The following AGMO variants were observed in gnomAD, a reference collection of about 807,000 sequenced individuals.
The protein encoded by AGMO is glyceryl-ether monooxygenase.
AGMO carries 75 observed loss-of-function variants against 60.2 expected under a neutral mutation model. The observed-to-expected ratio is 1.25, with a 90% CI of 1.03 to 1.51. The LOEUF is 1.51. Ranked by LOEUF, AGMO falls within the 40% of genes most tolerant of loss-of-function variation. The pLI is 0.00. For missense variants in AGMO, 763 were observed against 525.5 expected (o/e 1.45, Z -4.42); for synonymous variants, 261 against 177.1 (o/e 1.47, Z -3.76).
chr7:15,390,232 G>T (rs1390521654), intron 8 of AGMO, among the ~76,000 whole-genome samples: 5 of 152,066 alleles, frequency 3.3e-5, no homozygotes, highest in Non-Finnish European at 7.4e-5. Context: ...TAACCAATCT[G>T]TAATAGTTCC....
At chr7:15,275,730 C>CAT (rs1243550635) in intron 12 of AGMO, among the ~76,000 whole-genome samples, 13 of 151,886 alleles carry the variant, frequency 8.6e-5, no homozygotes, top group Non-Finnish European at 1.9e-4. Flanking sequence ...GTGTTGGGTG[C>CAT]ATATATATTT....
At chr7:15,251,863 A>G (rs992664103) in intron 12 of AGMO, among the ~76,000 whole-genome samples, 2 of 152,238 alleles carry the variant, frequency 1.3e-5, no homozygotes, top group Non-Finnish European at 2.9e-5. Context: ...TTCCATAGGC[A>G]TAACTTTCAG....
At chr7:15,334,428 C>T (rs1781589111) in intron 12 of AGMO, among the ~76,000 whole-genome samples, 1 of 151,792 alleles carries the variant, frequency 6.6e-6, no homozygotes, top group Non-Finnish European at 1.5e-5. Flanking sequence ...TATTCTCCTT[C>T]TGTGATATCA....
chr7:15,520,671 C>T (rs1011283118), intron 3 of AGMO, among the ~76,000 whole-genome samples: 4 of 152,130 alleles, frequency 2.6e-5, no homozygotes, highest in Non-Finnish European at 5.9e-5. Context: ...ACACAACATA[C>T]CAGAATTCTC....
chr7:15,343,314 G>C (rs1479981274), intron 12 of AGMO, among the ~76,000 whole-genome samples: 1 of 151,970 alleles, frequency 6.6e-6, no homozygotes, highest in East Asian at 1.9e-4. Flanking sequence ...TTTAACTCAA[G>C]CTTTCAATAT....
chr7:15,119,624 A>T, the AGMO span, among the ~76,000 whole-genome samples: 1 of 152,142 alleles, frequency 6.6e-6, no homozygotes, highest in Non-Finnish European at 1.5e-5. Context: ...CTTGCAGCTG[A>T]GTGTGGCTGG....
chr7:15,230,324 T>C (rs1242521530), intron 12 of AGMO, among the ~76,000 whole-genome samples: 1 of 152,112 alleles, frequency 6.6e-6, no homozygotes, highest in East Asian at 1.9e-4. Context: ...TTATTGGTTG[T>C]CTGCAAAATT....
chr7:15,313,880 C>G (rs369515411), intron 12 of AGMO, among the ~76,000 whole-genome samples: 35 of 152,128 alleles, frequency 2.3e-4, no homozygotes, highest in African/African-American at 7.9e-4. Context: ...GTCTCTCTCT[C>G]TCTCTCAAAA....
intron 10 of AGMO, among the ~76,000 whole-genome samples, chr7:15,368,480 G>C (rs1048763091): frequency 1.3e-5 from 2 of 152,012 alleles, no homozygotes; most frequent in African/African-American, 2.4e-5. Context: ...CACAGAATTT[G>C]TTTTTCAAAC....
chr7:15,302,387 G>T (rs1780471122), intron 12 of AGMO, among the ~76,000 whole-genome samples: 1 of 152,048 alleles, frequency 6.6e-6, no homozygotes, highest in Non-Finnish European at 1.5e-5. Context: ...TTTTAACAGG[G>T]TATGAATAAA....
chr7:15,516,943 C>A (rs1783824218), intron 3 of AGMO, among the ~76,000 whole-genome samples: 1 of 151,990 alleles, frequency 6.6e-6, no homozygotes, highest in South Asian at 2.1e-4. Context: ...CATGAAAGAA[C>A]AGACATTGAC....
chr7:15,424,537 T>C (rs1216453822), intron 4 of AGMO, among the ~76,000 whole-genome samples: 2 of 152,212 alleles, frequency 1.3e-5, no homozygotes, highest in Admixed American at 6.5e-5. Flanking sequence ...AGAATAATTT[T>C]ATTTTTTACC....
intron 11 of AGMO, 49 bp downstream of exon 11, chr7:15,366,091 T>C (rs1583463113): frequency 7.1e-6 from 10 of 1,416,620 alleles, no homozygotes; most frequent in Non-Finnish European, 8.8e-6. Flanking sequence ...CTGTGGAAAA[T>C]TCTTGAATTG....
chr7:15,326,708 G>A (rs995719239), intron 12 of AGMO, among the ~76,000 whole-genome samples: 2 of 152,116 alleles, frequency 1.3e-5, no homozygotes, highest in African/African-American at 2.4e-5. Context: ...CTATGAAATG[G>A]ATATAAGCTT....
chr7:15,219,884 C>A (rs1467185916), intron 12 of AGMO, among the ~76,000 whole-genome samples: 3 of 152,138 alleles, frequency 2.0e-5, no homozygotes, highest in Non-Finnish European at 2.9e-5. Context: ...TCCTGATAAT[C>A]CCCTAACATC....
the AGMO span, among the ~76,000 whole-genome samples, chr7:15,179,032 G>A: frequency 6.6e-6 from 1 of 152,096 alleles, no homozygotes; most frequent in Non-Finnish European, 1.5e-5. Context: ...GAGCCCTCAT[G>A]ACCTAATCAC....
chr7:15,484,719 T>A (rs1178496202), intron 3 of AGMO, among the ~76,000 whole-genome samples: 1 of 152,208 alleles, frequency 6.6e-6, no homozygotes, highest in African/African-American at 2.4e-5. Context: ...CTTAAGTTAT[T>A]AAGAACATGC....
chr7:15,219,512 A>G (rs1317387899), intron 12 of AGMO, among the ~76,000 whole-genome samples: 1 of 152,164 alleles, frequency 6.6e-6, no homozygotes, highest in Non-Finnish European at 1.5e-5. Context: ...TTTAAAAGAA[A>G]TTAAGAGACA....
At chr7:15,413,366 T>A (rs928614067) in intron 5 of AGMO, among the ~76,000 whole-genome samples, 1 of 152,148 alleles carries the variant, frequency 6.6e-6, no homozygotes, top group Non-Finnish European at 1.5e-5. Context: ...AATACACATG[T>A]AATTGATGTT....
Sources: allele counts gnomAD v4.1 joint callset (sites outside exome capture counted in the v4.1 genomes callset), GRCh38; gene constraint gnomAD v4.1.1; transcripts MANE v1.5; gene names NCBI Gene and HGNC (gene_info 2026-07-23, HGNC 2026-07-21).